LPP: variants seen among roughly 807,000 people sequenced by gnomAD.
LPP encodes LIM domain containing preferred translocation partner in lipoma, also known as lipoma-preferred partner.
In LPP, 38 loss-of-function variants were observed where a neutral mutation model predicts 60.4. That is an observed-to-expected ratio of 0.63 (90% CI 0.49 to 0.83). LPP has a LOEUF of 0.83. Among genes scored for constraint, LPP ranks in the 40% least tolerant of loss-of-function variants. LPP has a pLI of 0.00. For missense variants in LPP, 902 were observed against 783.6 expected (o/e 1.15, Z -1.80); for synonymous variants, 328 against 290.8 (o/e 1.13, Z -1.30).
At position 188,288,886 on chromosome 3, in the gene LPP, C is replaced by T. The variant is rs1745024556; in HGVS notation, c.-66-52777C>T. On this transcript the variant is annotated intron_variant, in intron 2 of 11. Transcript: ENST00000617246. ...TCAGGAAAGCACTTGTGATTACCAT[C>T]TGTTAAGGACCTGGAACAAAATAAA... Among the ~76,000 whole-genome samples the T allele has an allele frequency of 2.2e-5, 3 of 137,340 alleles. 1 individual carries two copies. The highest frequency in any genetic ancestry group is 4.9e-4 in the South Asian group (2 of 4,098). 90.1% of individuals were successfully genotyped at this position (137,340 alleles called of 152,430 possible).
chr3:188,268,515 T>G (rs1736447297), intron 2 of LPP, among the ~76,000 whole-genome samples: 1 of 152,190 alleles, frequency 6.6e-6, no homozygotes, highest in African/African-American at 2.4e-5. Flanking sequence ...GGTTACAGCT[T>G]GGTGTTTTCC....
At chr3:188,233,452 A>G (rs1720794941) in intron 2 of LPP, among the ~76,000 whole-genome samples, 1 of 152,150 alleles carries the variant, frequency 6.6e-6, no homozygotes, top group Non-Finnish European at 1.5e-5. Context: ...AGATCACCTC[A>G]CCGTGGTTCA....
At chr3:188,216,960 C>G (rs1323724317) in intron 1 of LPP, among the ~76,000 whole-genome samples, 2 of 152,202 alleles carry the variant, frequency 1.3e-5, no homozygotes, top group Non-Finnish European at 2.9e-5. Context: ...TTTATTAAAT[C>G]TTTATTGAGT....
At chr3:188,465,697 G>A (rs755298066) in intron 4 of LPP, among the ~76,000 whole-genome samples, 18 of 152,220 alleles carry the variant, frequency 1.2e-4, no homozygotes, top group African/African-American at 2.9e-4. Context: ...AAAGTTCTGC[G>A]TGGGAATGTG....
intron 9 of LPP, among the ~76,000 whole-genome samples, chr3:188,766,861 T>C (rs1256857234): frequency 6.6e-6 from 1 of 152,182 alleles, no homozygotes; most frequent in African/African-American, 2.4e-5. Context: ...CCTGTGGGTA[T>C]GGAAGGATGT....
At chr3:188,202,444 G>T (rs1419102693) in intron 1 of LPP, among the ~76,000 whole-genome samples, 1 of 152,202 alleles carries the variant, frequency 6.6e-6, no homozygotes, top group African/African-American at 2.4e-5. Context: ...AGAGATTCTT[G>T]CATGGACTCC....
At chr3:188,722,583 T>G (rs1182259207) in intron 8 of LPP, among the ~76,000 whole-genome samples, 2 of 152,212 alleles carry the variant, frequency 1.3e-5, no homozygotes, top group African/African-American at 4.8e-5. Context: ...TTTTAGCAGC[T>G]TTAAAATGAG....
intron 5 of LPP, among the ~76,000 whole-genome samples, chr3:188,517,126 G>C (rs1401740434): frequency 1.3e-5 from 2 of 152,102 alleles, no homozygotes; most frequent in Non-Finnish European, 2.9e-5. Context: ...AATATTACTT[G>C]ACATGCATAA....
chr3:188,397,471 C>T (rs1316373676), intron 3 of LPP, among the ~76,000 whole-genome samples: 7 of 152,084 alleles, frequency 4.6e-5, no homozygotes, highest in East Asian at 1.9e-4. Context: ...GTATTTGTTC[C>T]GTCCTTAACC....
At chr3:188,754,659 TA>T (rs1381026865) in intron 8 of LPP, among the ~76,000 whole-genome samples, 1 of 151,606 alleles carries the variant, frequency 6.6e-6, no homozygotes, top group Non-Finnish European at 1.5e-5. Context: ...CAGGGATCAA[TA>T]TTTTTTTTTT....
intron 7 of LPP, among the ~76,000 whole-genome samples, chr3:188,679,519 CTGTGTGTGTGTGTGTG>C (rs56733573): frequency 1.4e-5 from 2 of 143,204 alleles, no homozygotes; most frequent in African/African-American, 2.6e-5. Context: ...TTTGAATACT[CTGTGTGTGTGTGTGTG>C]TGTGTGTGTG....
chr3:188,334,265 A>G (rs1043958297), intron 2 of LPP, among the ~76,000 whole-genome samples: 4 of 151,956 alleles, frequency 2.6e-5, no homozygotes, highest in African/African-American at 9.7e-5. Flanking sequence ...TTGCCTGTTT[A>G]TCTGTTGATG....
At chr3:188,740,267 A>G (rs1334007200) in intron 8 of LPP, among the ~76,000 whole-genome samples, 1 of 152,132 alleles carries the variant, frequency 6.6e-6, no homozygotes, top group Non-Finnish European at 1.5e-5. Context: ...TAATTTGTTC[A>G]TAACAGTGCC....
intron 2 of LPP, 33 bp from the exon 3 acceptor site, chr3:188,341,630 G>T (rs1763083790): frequency 1.1e-6 from 1 of 906,816 alleles, no homozygotes; most frequent in African/African-American, 1.8e-5. Context: ...GTGTCTGGAA[G>T]TAATTTTTAC....
chr3:188,745,688 T>C (rs1196984986), intron 8 of LPP, among the ~76,000 whole-genome samples: 1 of 152,168 alleles, frequency 6.6e-6, no homozygotes, highest in Non-Finnish European at 1.5e-5. Flanking sequence ...GATAAATCCC[T>C]CAGAAATTAT....
rs1397825950 is a variant in LPP, at chr3:188,889,947, T to A, written c.*15468T>A. The A allele has an allele frequency of 4.7e-6, 1 of 213,286 alleles. No individual in the cohort carries two copies. The highest frequency in any genetic ancestry group is 9.5e-6 in the Non-Finnish European group (1 of 105,510). 13.2% of individuals were successfully genotyped at this position (213,286 alleles called of 1,614,324 possible). A position where few individuals can be genotyped will look rare whatever the true frequency, so the allele number is the denominator to read the frequency against. On this transcript the variant is annotated 3_prime_UTR_variant, in exon 12 of 12. Transcript: ENST00000617246. ...TAGCGCTGGAAAATGAGTTCAAAAATTTCAGTGTAATGTCATAAGGATGTT... is the reference window on the plus strand; with the variant it reads ...TAGCGCTGGAAAATGAGTTCAAAAAATTCAGTGTAATGTCATAAGGATGTT...
At chr3:188,364,348 A>G (rs1770476472) in intron 3 of LPP, among the ~76,000 whole-genome samples, 1 of 152,150 alleles carries the variant, frequency 6.6e-6, no homozygotes, top group Non-Finnish European at 1.5e-5. Flanking sequence ...AGCCTTTCTT[A>G]TTTGATACTT....
chr3:188,416,096 C>G (rs1039739804), intron 4 of LPP, among the ~76,000 whole-genome samples: 2 of 44,010 alleles, frequency 4.5e-5, no homozygotes, highest in Non-Finnish European at 9.5e-5. Flanking sequence ...TTCTATGAGT[C>G]CATATTTAAA....
chr3:188,229,614 A>C (rs1014389602), intron 2 of LPP, among the ~76,000 whole-genome samples: 1 of 152,218 alleles, frequency 6.6e-6, no homozygotes, highest in African/African-American at 2.4e-5. Flanking sequence ...GCAGTGACCT[A>C]TCCAGTCCCC....
Sources: gnomAD v4.1 joint callset for allele counts (sites outside exome capture counted in the v4.1 genomes callset) on GRCh38, gnomAD v4.1.1 for gene constraint, MANE v1.5 for transcripts, NCBI Gene and HGNC (gene_info 2026-07-23, HGNC 2026-07-21) for gene names.